MTHFS: variants seen among roughly 807,000 people sequenced by gnomAD.
The protein encoded by MTHFS is 5-formyltetrahydrofolate cyclo-ligase.
A neutral mutation model predicts 12.7 loss-of-function variants in MTHFS; 7 were observed. That is an observed-to-expected ratio of 0.55 (90% confidence interval 0.31 to 1.03). MTHFS has a LOEUF of 1.03. MTHFS is among the 50% of genes least tolerant of loss of function. The probability of loss-of-function intolerance (pLI) is 0.05; values close to 1 mark genes in which losing one functional copy is unlikely to be tolerated. For synonymous variants in MTHFS, 100 were observed against 97.1 expected (o/e 1.03, Z -0.18); for missense variants, 252 against 258.1 (o/e 0.98, Z 0.16).
intron 2 of MTHFS, among the ~76,000 whole-genome samples, chr15:79,884,908 G>C (rs1482046011): frequency 6.6e-6 from 1 of 152,084 alleles, no homozygotes; most frequent in Non-Finnish European, 1.5e-5. Flanking sequence ...CTGGGAACCA[G>C]GTCCATGCTG....
chr15:79,877,150 T>G (rs1466019249), intron 2 of MTHFS: 1 of 151,576 alleles, frequency 6.6e-6, no homozygotes, highest in Non-Finnish European at 1.5e-5. Context: ...TAAAGACAGA[T>G]CTACAGAAAT....
Position 79,889,477 on chromosome 15 carries a change from G to GC in MTHFS, c.118-124_118-123insG, listed in dbSNP as rs143491249. On this transcript the variant is annotated intron_variant, in intron 1 of 2. Coordinates refer to ENST00000258874, the MANE Select transcript of MTHFS (RefSeq NM_006441.4). Reference sequence around the variant, plus strand: ...TAAATATTAAAAAGAAAAAAAAAGGGGGGGGGACCAGAGTGATATAGTGGG... The same window carrying GC: ...TAAATATTAAAAAGAAAAAAAAAGGGCGGGGGGACCAGAGTGATATAGTGGG... The GC allele has an allele frequency of 6.7e-4, 929 of 1,381,156 alleles. 13 individuals are homozygous for GC. In the African/African-American group the frequency reaches 0.013, roughly 19 times the overall value. The allele number at this position is 1,381,156 out of a possible 1,614,324, so 85.6% of individuals were successfully genotyped here. A position where few individuals can be genotyped will look rare whatever the true frequency, so the allele number is the denominator to read the frequency against.
At chr15:79,889,031 C>T (rs1434513904) in intron 2 of MTHFS, 62 bp downstream of exon 2, 16 of 1,584,698 alleles carry the variant, frequency 1.0e-5, no homozygotes, top group Admixed American at 1.7e-5. Flanking sequence ...ACACATAACC[C>T]GTGGATCTGA....
chr15:79,890,208 T>TTTC lies in MTHFS; in HGVS notation c.118-855_118-854insGAA, dbSNP rs1491458287. Among the ~76,000 whole-genome samples the TTTC allele has an allele frequency of 2.6e-4, 4 of 15,536 alleles. No individual in the cohort carries two copies. In the East Asian group the frequency reaches 0.013, roughly 49 times the overall value. The allele number at this position is 15,536 out of a possible 152,430, so 10.2% of individuals were successfully genotyped here. A position where few individuals can be genotyped will look rare whatever the true frequency, so the allele number is the denominator to read the frequency against. ...GTTAGCCCTTCGCTCTCTTTTTTCC[T>TTTC]TTTTTTTTTTTTTTTTTTTTTTTTT... On this transcript the variant is annotated intron_variant, in intron 1 of 2. Transcript: ENST00000258874.
intron 2 of MTHFS, among the ~76,000 whole-genome samples, chr15:79,849,497 A>T (rs1185876700): frequency 6.6e-6 from 1 of 152,190 alleles, no homozygotes; most frequent in Non-Finnish European, 1.5e-5. Flanking sequence ...CAGAGGCTCA[A>T]CAAGCTTCCC....
At chr15:79,881,450 T>A (rs1056247471) in intron 2 of MTHFS, among the ~76,000 whole-genome samples, 2 of 152,032 alleles carry the variant, frequency 1.3e-5, no homozygotes, top group Admixed American at 6.6e-5. Flanking sequence ...AAAGATAAAA[T>A]AGACAATTCT....
At chr15:79,894,344 G>A (rs939242418) in intron 1 of MTHFS, among the ~76,000 whole-genome samples, 15 of 152,100 alleles carry the variant, frequency 9.9e-5, no homozygotes, top group South Asian at 4.1e-4. Flanking sequence ...TCATGCCACC[G>A]CACTCCAGCC....
chr15:79,871,889 G>A (rs575474426), intron 2 of MTHFS, among the ~76,000 whole-genome samples: 132 of 152,038 alleles, frequency 8.7e-4, no homozygotes, highest in African/African-American at 3.0e-3. Flanking sequence ...TGGATCACGA[G>A]GTCGGGAGAT....
intron 2 of MTHFS, among the ~76,000 whole-genome samples, chr15:79,886,544 T>C (rs999895832): frequency 1.3e-5 from 2 of 152,032 alleles, no homozygotes; most frequent in African/African-American, 4.8e-5. Context: ...AAATAAATAC[T>C]ATAGAGGAGA....
intron 2 of MTHFS, among the ~76,000 whole-genome samples, chr15:79,878,521 A>G (rs1256345845): frequency 6.8e-6 from 1 of 146,762 alleles, no homozygotes; most frequent in Non-Finnish European, 1.5e-5. Flanking sequence ...AGTTTGCCGT[A>G]GTGCCTAGCA....
At chr15:79,854,408 G>C (rs996224898) in intron 2 of MTHFS, among the ~76,000 whole-genome samples, 2 of 152,214 alleles carry the variant, frequency 1.3e-5, no homozygotes, top group African/African-American at 4.8e-5. Flanking sequence ...GATGTGCACT[G>C]GGGGCGAGGG....
rs543005141 is a variant in MTHFS, at chr15:79,868,403, CAA to C, written c.379+20688_379+20689del. 3.2e-3 allele frequency among the ~76,000 whole-genome samples: 484 copies of C among 152,108 alleles called. 3 individuals carry two copies. The highest frequency in any genetic ancestry group is 5.6e-3 in the Non-Finnish European group (383 of 67,990). On this transcript the variant is annotated intron_variant, in intron 2 of 2. Transcript: ENST00000258874. ...TCATAGAAGATAATCTTCTTAGATT[CAA>C]AGAGAAATATAGCACGTACTATGAA... is the stretch of plus-strand genomic sequence containing the variant.
rs570976290 is a variant in MTHFS at position 79,856,928 on chromosome 15, A to G, written c.380-11486T>C. ...AGTGAAGAACAATTTCTTCAGATAC[A>G]GAAATACAACGGTGTTTTGGAGCTA... On this transcript the variant is annotated intron_variant, in intron 2 of 2. Coordinates refer to ENST00000258874, the MANE Select transcript of MTHFS (RefSeq NM_006441.4). Among the ~76,000 whole-genome samples the G allele has an allele frequency of 2.4e-4, 36 of 151,572 alleles. 1 individual carries two copies. The highest frequency in any genetic ancestry group is 2.4e-3 in the Admixed American group (36 of 15,214).
chr15:79,863,119 TC>T (rs988203736), intron 2 of MTHFS, among the ~76,000 whole-genome samples: 1 of 152,184 alleles, frequency 6.6e-6, no homozygotes, highest in African/African-American at 2.4e-5. Context: ...AGCCAGACTG[TC>T]CCTCAACAGC....
At chr15:79,868,297 G>A (rs543328707) in intron 2 of MTHFS, among the ~76,000 whole-genome samples, 6 of 152,202 alleles carry the variant, frequency 3.9e-5, no homozygotes, top group East Asian at 1.9e-4. Context: ...CTGCAACTTC[G>A]AATATAATTT....
At chr15:79,886,392 C>A (rs1393174573) in intron 2 of MTHFS, among the ~76,000 whole-genome samples, 1 of 152,188 alleles carries the variant, frequency 6.6e-6, no homozygotes, top group African/African-American at 2.4e-5. Context: ...TTTCTATAAA[C>A]AACAACAGCG....
intron 2 of MTHFS, among the ~76,000 whole-genome samples, chr15:79,865,128 C>T (rs2033987107): frequency 6.6e-6 from 1 of 152,104 alleles, no homozygotes; most frequent in South Asian, 2.1e-4. Flanking sequence ...TAATGTAACT[C>T]CCACTGTTTT....
intron 2 of MTHFS, among the ~76,000 whole-genome samples, chr15:79,861,543 A>G (rs1434034290): frequency 6.6e-6 from 1 of 152,222 alleles, no homozygotes; most frequent in African/African-American, 2.4e-5. Context: ...AGCAATACAG[A>G]AACACCTATA....
chr15:79,854,112 C>T (rs1375773351), intron 2 of MTHFS, among the ~76,000 whole-genome samples: 11 of 152,256 alleles, frequency 7.2e-5, no homozygotes, highest in Non-Finnish European at 1.0e-4. Context: ...ACAGGGAGAG[C>T]GCTGCTTATT....
Sources: allele counts gnomAD v4.1 joint callset (sites outside exome capture counted in the v4.1 genomes callset), GRCh38; gene constraint gnomAD v4.1.1; transcripts MANE v1.5; gene names NCBI Gene and HGNC (gene_info 2026-07-23, HGNC 2026-07-21).